SP100: variants seen among roughly 807,000 people sequenced by gnomAD.
SP100 encodes nuclear autoantigen Sp-100.
In SP100, 84 loss-of-function variants were observed where a neutral mutation model predicts 130.0. The ratio of observed to expected loss-of-function variants is 0.65; its 90% CI spans 0.54 to 0.77. SP100 has a LOEUF of 0.77. Among genes scored for constraint, SP100 ranks in the 30% least tolerant of loss-of-function variants. The probability of loss-of-function intolerance (pLI) is 0.00; values close to 1 mark genes in which losing one functional copy is unlikely to be tolerated. For missense variants in SP100, 978 were observed against 1,052.2 expected, an observed-to-expected ratio of 0.93 and a Z score of 0.97; for synonymous variants, 331 against 351.7, an observed-to-expected ratio of 0.94 and a Z score of 0.66.
intron 8 of SP100, among the ~76,000 whole-genome samples, chr2:230,459,589 A>G (rs185518389): frequency 2.0e-5 from 3 of 152,334 alleles, no homozygotes; most frequent in East Asian, 1.9e-4. Context: ...TGCATCTGTC[A>G]TCTATTGCTG....
intron 23 of SP100, chr2:230,508,311 CTTTTTTTTTTT>C (rs10636838): frequency 6.9e-6 from 1 of 144,916 alleles, no homozygotes; most frequent in Non-Finnish European, 1.3e-5. Flanking sequence ...AAATGCCATA[CTTTTTTTTTTT>C]TTTTTTTTTA....
rs567245656 is a variant in SP100, at chr2:230,452,369, G to A, written c.820+2114G>A. On this transcript the variant is annotated intron_variant, in intron 8 of 28. Transcript: ENST00000340126. The stretch of plus-strand genomic sequence containing the variant: ...ATTTTTTGTATTTAGTAGAGACAAG[G>A]TTTCACCATGTTGGTCGGGCTGGTC... Among the ~76,000 whole-genome samples, 7 of 152,120 alleles carry A rather than the reference G, an allele frequency of 4.6e-5. No individual in the cohort carries two copies. The South Asian group carries it at 1.5e-3, about 32-fold the overall frequency.
chr2:230,449,272 T>G (rs957256615), intron 6 of SP100, 122 bp downstream of exon 6: 1 of 1,038,926 alleles, frequency 9.6e-7, no homozygotes, highest in African/African-American at 1.6e-5. Flanking sequence ...ATCTACAGTT[T>G]TTCCATTTCT....
chr2:230,470,313 T>C (rs765324800), intron 15 of SP100: 66 of 1,226,176 alleles, frequency 5.4e-5, no homozygotes, highest in Admixed American at 8.3e-5. Flanking sequence ...TAAATGTATG[T>C]AATTATATTT....
chr2:230,508,481 A>AT (rs11394556), intron 23 of SP100: 4,171 of 152,142 alleles, frequency 0.027, 180 homozygotes, highest in African/African-American at 0.096. Flanking sequence ...ATGCCCGGCT[A>AT]TTTTTTTTGT....
chr2:230,542,802 A>T, intron 28 of SP100, 34 bp from the exon 29 acceptor site: 1 of 1,310,878 alleles, frequency 7.6e-7, no homozygotes, highest in Non-Finnish European at 1.1e-6. Context: ...CTCATTGCAT[A>T]ACTGCTATAT....
At chr2:230,424,290 A>T (rs1392506278) in intron 2 of SP100, among the ~76,000 whole-genome samples, 4 of 152,224 alleles carry the variant, frequency 2.6e-5, no homozygotes, top group Admixed American at 2.6e-4. Flanking sequence ...AAGTATGCTC[A>T]AAAGAATGAG....
At position 230,494,464 on chromosome 2, in the gene SP100, A is replaced by C. The variant is rs778340093; in HGVS notation, c.1645+4A>C. ...AAAGTAAATGGTCTCCAAAGAGGTAAGAAGAAATGTGGGGATTTACTCCTT... is the reference window on the plus strand; with the variant it reads ...AAAGTAAATGGTCTCCAAAGAGGTACGAAGAAATGTGGGGATTTACTCCTT... On this transcript the variant is annotated splice_donor_region_variant and intron_variant, in intron 18 of 28. Transcript: ENST00000340126. The C allele has an allele frequency of 3.7e-6, 6 of 1,604,624 alleles. No individual in the cohort carries two copies. In the African/African-American group the frequency reaches 8.0e-5, roughly 21 times the overall value.
Position 230,474,404 on chromosome 2 carries a change from T to A in SP100, c.1557T>A (p.Asp519Glu). Residue 519 changes from aspartate to glutamate, a missense_variant, in exon 17 of 29, where the codon GAT (aspartate) becomes GAA (glutamate). Asp to Glu is a conservative substitution (Grantham distance 45, BLOSUM62 2). Transcript: ENST00000340126. Reference sequence around the variant, plus strand: ...CCTGTCACTTTCTAGATACCATGGATGTTGAAAACAATTCTACTTTGGAAA... The same window carrying A: ...CCTGTCACTTTCTAGATACCATGGAAGTTGAAAACAATTCTACTTTGGAAA... ...SQASDMMDTM[D>E]VENNSTLEKH... 1 of 1,534,128 alleles carries A rather than the reference T, an allele frequency of 6.5e-7. No homozygotes were observed. The highest frequency in any genetic ancestry group is 1.2e-5 in the South Asian group (1 of 86,448).
intron 19 of SP100, among the ~76,000 whole-genome samples, chr2:230,500,193 A>G (rs2150059351): frequency 6.6e-6 from 1 of 152,334 alleles, no homozygotes; most frequent in African/African-American, 2.4e-5. Flanking sequence ...TTATTATTTT[A>G]CATGGTTAAT....
Position 230,544,400 on chromosome 2 carries a change from G to A in SP100, c.*1454G>A, listed in dbSNP as rs756156756. Among the ~76,000 whole-genome samples the A allele has an allele frequency of 1.3e-5, 2 of 152,098 alleles. No individual in the cohort carries two copies. Among genetic ancestry groups the A allele is most frequent in the African/African-American group, 2.4e-5 (1 of 41,416 alleles). On this transcript the variant is annotated 3_prime_UTR_variant, in exon 29 of 29. Coordinates refer to ENST00000340126, the MANE Select transcript of SP100 (RefSeq NM_001080391.2). ...TTTGCACACTATGCATCTGACAAAG[G>A]TCTAATAGCCAGCTTCTATAGGGAA... is the stretch of plus-strand genomic sequence containing the variant.
At chr2:230,504,923 G>A (rs1689960015) in intron 21 of SP100, among the ~76,000 whole-genome samples, 1 of 152,122 alleles carries the variant, frequency 6.6e-6, no homozygotes, top group Non-Finnish European at 1.5e-5. Flanking sequence ...ATTCTTGTAA[G>A]AGAATATAAA....
Position 230,486,205 on chromosome 2 carries a change from G to A in SP100, c.1601-8211G>A, listed in dbSNP as rs192678341. On this transcript the variant is annotated intron_variant, in intron 17 of 28. Coordinates refer to ENST00000340126, the MANE Select transcript of SP100 (RefSeq NM_001080391.2). ...ACCCAGGAGAGAGGGTGAGCTACGG[G>A]GAAGTGCCACATTTTTTTTTATGTT... 1.4e-3 allele frequency among the ~76,000 whole-genome samples: 209 copies of A among 152,258 alleles called. 1 individual carries two copies. Among genetic ancestry groups the A allele is most frequent in the Middle Eastern group, 6.8e-3 (2 of 294 alleles).
At chr2:230,534,467 T>C (rs1180773185) in intron 24 of SP100, among the ~76,000 whole-genome samples, 1 of 152,244 alleles carries the variant, frequency 6.6e-6, no homozygotes, top group Non-Finnish European at 1.5e-5. Flanking sequence ...GATCCTATTT[T>C]GTAATATCAA....
At chr2:230,525,915 G>A (rs1691400680) in intron 24 of SP100, among the ~76,000 whole-genome samples, 1 of 152,212 alleles carries the variant, frequency 6.6e-6, no homozygotes, top group African/African-American at 2.4e-5. Flanking sequence ...CATGAACTGG[G>A]CGGAGCCCAC....
chr2:230,492,399 G>T (rs1273466857), intron 17 of SP100, among the ~76,000 whole-genome samples: 1 of 152,032 alleles, frequency 6.6e-6, no homozygotes, highest in African/African-American at 2.4e-5. Flanking sequence ...CTAACTCCTG[G>T]GCTCCAGTGA....
At chr2:230,502,113 GC>G (rs2067070781) in intron 19 of SP100, among the ~76,000 whole-genome samples, 2 of 150,826 alleles carry the variant, frequency 1.3e-5, no homozygotes, top group Non-Finnish European at 2.9e-5. Context: ...CCTGACCTCA[GC>G]CTCAGAACTC....
chr2:230,542,292 A>G (rs1692209796), intron 28 of SP100, among the ~76,000 whole-genome samples: 1 of 152,170 alleles, frequency 6.6e-6, no homozygotes, highest in South Asian at 2.1e-4. Context: ...GTTTGTTTTC[A>G]CCCATAGAGA....
At position 230,466,184 on chromosome 2, in the gene SP100, C is replaced by CAAAAAAAAAAA. The variant is rs57983447; in HGVS notation, c.1142-108_1142-98dup. ...TGGGTGATAGAACAAGACTCCATCT[C>CAAAAAAAAAAA]AAAAAAAAAAAAAAAAAAACTTTGT... On this transcript the variant is annotated intron_variant, in intron 11 of 28. Transcript: ENST00000340126. 3.8e-4 allele frequency: 97 copies of CAAAAAAAAAAA among 258,120 alleles called. 1 individual carries two copies. Among genetic ancestry groups the CAAAAAAAAAAA allele is most frequent in the South Asian group, 9.3e-4 (21 of 22,498 alleles). The allele number at this position is 258,120 out of a possible 1,614,324, so 16.0% of individuals were successfully genotyped here. A position where few individuals can be genotyped will look rare whatever the true frequency, so the allele number is the denominator to read the frequency against.
Sources: allele counts gnomAD v4.1 joint callset (sites outside exome capture counted in the v4.1 genomes callset), GRCh38; gene constraint gnomAD v4.1.1; transcripts MANE v1.5; gene names NCBI Gene and HGNC (gene_info 2026-07-23, HGNC 2026-07-21).